EXT2: variants seen among roughly 807,000 people sequenced by gnomAD.
EXT2 encodes exostosin glycosyltransferase 2, also known as exostosin-2.
Under a neutral mutation model 81.6 loss-of-function variants are expected in EXT2, and 53 were observed. The observed-to-expected ratio is 0.65, with a 90% confidence interval of 0.52 to 0.82. The LOEUF (loss-of-function observed/expected upper bound fraction) is 0.82. Among genes scored for constraint, EXT2 ranks in the 40% least tolerant of loss-of-function variants. The pLI is 0.00. For synonymous variants in EXT2, 320 were observed against 340.0 expected (o/e 0.94, Z 0.65); for missense variants, 774 against 910.2 (o/e 0.85, Z 1.93).
chr11:44,144,124 A>G (rs1298535616), intron 7 of EXT2: 20 of 816,330 alleles, frequency 2.4e-5, no homozygotes, highest in Non-Finnish European at 3.9e-5. Context: ...TGGTTTTAGC[A>G]TAGCAAACAT....
intron 8 of EXT2, among the ~76,000 whole-genome samples, chr11:44,176,586 C>T (rs746359082): frequency 3.3e-5 from 5 of 152,174 alleles, no homozygotes; most frequent in Non-Finnish European, 7.3e-5. Flanking sequence ...TCTCCATCTT[C>T]AGTGAAAGCA....
chr11:44,236,287 T>C lies in EXT2; in HGVS notation c.1936-6T>C, dbSNP rs767207401. 6.2e-7 allele frequency: 1 copy of C among 1,614,046 alleles called. No individual in the cohort carries two copies. The highest frequency in any genetic ancestry group is 2.2e-5 in the East Asian group (1 of 44,884). On this transcript the variant is annotated splice_region_variant and splice_polypyrimidine_tract_variant and intron_variant, in intron 12 of 13. Transcript: ENST00000533608. ...AGCCAGGTATGTTTTTGTCCTCCTC[T>C]GGCAGGTAACCCCACGAAAGAAATT...
At chr11:44,139,470 G>A (rs889038044) in intron 7 of EXT2, among the ~76,000 whole-genome samples, 1 of 152,118 alleles carries the variant, frequency 6.6e-6, no homozygotes. Flanking sequence ...AGGAGGACTG[G>A]TCACATACCT....
At chr11:44,204,639 C>T (rs1317790953) in intron 9 of EXT2, among the ~76,000 whole-genome samples, 1 of 152,186 alleles carries the variant, frequency 6.6e-6, no homozygotes, top group Non-Finnish European at 1.5e-5. Flanking sequence ...GTTCCGCCTC[C>T]TATCAGATCA....
intron 4 of EXT2, among the ~76,000 whole-genome samples, chr11:44,121,098 A>G (rs1159982804): frequency 1.3e-5 from 2 of 152,178 alleles, no homozygotes; most frequent in Non-Finnish European, 2.9e-5. Context: ...ACTTGTTCAC[A>G]TTGGGTGGGG....
intron 7 of EXT2, among the ~76,000 whole-genome samples, chr11:44,137,909 A>T (rs1384305380): frequency 6.6e-6 from 1 of 152,230 alleles, no homozygotes; most frequent in Non-Finnish European, 1.5e-5. Context: ...AAAGGCCCTC[A>T]GGTTGCTGGA....
chr11:44,153,191 T>TTG (rs779718938), intron 7 of EXT2, among the ~76,000 whole-genome samples: 1 of 152,250 alleles, frequency 6.6e-6, no homozygotes, highest in Non-Finnish European at 1.5e-5. Context: ...TTTGATATCT[T>TTG]TCATCAGAGT....
chr11:44,201,747 CAT>C (rs976883311), intron 9 of EXT2, among the ~76,000 whole-genome samples: 2 of 152,166 alleles, frequency 1.3e-5, no homozygotes, highest in African/African-American at 2.4e-5. Flanking sequence ...TTCTTTTTCA[CAT>C]ATGTTTTTCT....
At chr11:44,222,564 G>A (rs1955793155) in intron 10 of EXT2, among the ~76,000 whole-genome samples, 1 of 152,164 alleles carries the variant, frequency 6.6e-6, no homozygotes, top group Admixed American at 6.5e-5. Context: ...AACAAATGGT[G>A]CTGAAAGATT....
At chr11:44,192,266 A>G (rs899329732) in intron 8 of EXT2, among the ~76,000 whole-genome samples, 1 of 151,290 alleles carries the variant, frequency 6.6e-6, no homozygotes, top group African/African-American at 2.4e-5. Flanking sequence ...CCTCATCTCC[A>G]GGTAGGGAGA....
chr11:44,104,263 T>C (rs1209911825), intron 1 of EXT2, among the ~76,000 whole-genome samples: 1 of 152,178 alleles, frequency 6.6e-6, no homozygotes, highest in East Asian at 1.9e-4. Context: ...GAGGGTTCAT[T>C]GCGTGTTCTG....
At chr11:44,155,957 G>A (rs899853052) in intron 7 of EXT2, among the ~76,000 whole-genome samples, 1 of 152,070 alleles carries the variant, frequency 6.6e-6, no homozygotes, top group African/African-American at 2.4e-5. Flanking sequence ...TTGTTTGTCC[G>A]GGAAAGTATT....
In EXT2 at chr11:44,245,002, C is replaced by T. The variant is rs1176977649; in HGVS notation, c.*715C>T. ...CTTTCTCCCTTGATATATTTAACTC[C>T]GTCTTTGGCCTGACAACAGTCTTCT... is the stretch of plus-strand genomic sequence containing the variant. On this transcript the variant is annotated 3_prime_UTR_variant, in exon 14 of 14. Transcript: ENST00000533608. The T allele has an allele frequency of 2.6e-5, 6 of 231,852 alleles. No homozygotes were observed. The highest frequency in any genetic ancestry group is 4.3e-5 in the Non-Finnish European group (5 of 117,316). 14.4% of individuals were successfully genotyped at this position (231,852 alleles called of 1,614,324 possible).
At chr11:44,161,181 G>C (rs115623829) in intron 7 of EXT2, among the ~76,000 whole-genome samples, 1 of 152,310 alleles carries the variant, frequency 6.6e-6, no homozygotes, top group African/African-American at 2.4e-5. Flanking sequence ...GGTGAGATAT[G>C]TTAGCAGGCT....
At chr11:44,236,174 T>C in intron 12 of EXT2, 119 bp from the exon 13 acceptor site, 1 of 828,800 alleles carries the variant, frequency 1.2e-6, no homozygotes, top group Non-Finnish European at 2.1e-6. Flanking sequence ...TGTGTGTGTG[T>C]GTGCACGCGC....
At chr11:44,172,457 C>A (rs1955089307) in intron 8 of EXT2, among the ~76,000 whole-genome samples, 1 of 152,200 alleles carries the variant, frequency 6.6e-6, no homozygotes, top group Non-Finnish European at 1.5e-5. Context: ...TGAAGTGAAC[C>A]TGGCTGTCCA....
chr11:44,233,752 C>CA (rs562399630), intron 11 of EXT2, among the ~76,000 whole-genome samples: 8 of 151,922 alleles, frequency 5.3e-5, no homozygotes, highest in Admixed American at 2.6e-4. Context: ...AATAAGCAAA[C>CA]AAAAAAACCC....
chr11:44,124,972 A>G lies in EXT2; in HGVS notation c.927A>G (p.Pro309=). ...ACAAGCACCAGGTCTTCGATTACCC[A>G]CAGGTGCTACAGGTGAGTGTCATTC... ...RCHKHQVFDY[P]QVLQEATFCV... Residue 309 remains proline, a synonymous_variant, in exon 5 of 14, where the codon CCA becomes CCG. Coordinates refer to ENST00000533608, the MANE Select transcript of EXT2 (RefSeq NM_207122.2). The G allele has an allele frequency of 6.2e-7, 1 of 1,612,630 alleles. No homozygotes were observed. The highest frequency in any genetic ancestry group is 1.1e-5 in the South Asian group (1 of 91,028).
At chr11:44,204,381 TTGTGTG>T in intron 9 of EXT2, among the ~76,000 whole-genome samples, 1 of 151,232 alleles carries the variant, frequency 6.6e-6, no homozygotes, top group South Asian at 2.1e-4. Flanking sequence ...GACAATGTGT[TTGTGTG>T]TGTGTGTGTG....
Sources: allele counts gnomAD v4.1 joint callset (sites outside exome capture counted in the v4.1 genomes callset), GRCh38; gene constraint gnomAD v4.1.1; transcripts MANE v1.5; gene names NCBI Gene and HGNC (gene_info 2026-07-23, HGNC 2026-07-21).